The following BLTP1 variants were observed in gnomAD, a reference collection of about 807,000 sequenced individuals.
BLTP1 encodes the protein bridge-like lipid transfer protein family member 1.
the BLTP1 span, chr4:122,289,189 T>G: frequency 1.2e-6 from 2 of 1,600,468 alleles, no homozygotes; most frequent in Non-Finnish European, 1.7e-6. Context: ...ACAAAAAGTT[T>G]CTGGTAAGAT....
At chr4:122,353,373 C>A in the BLTP1 span, 1 of 375,590 alleles carries the variant, frequency 2.7e-6, no homozygotes, top group Non-Finnish European at 3.7e-6. The surrounding 1 kb of genome is among the most constrained non-coding windows in gnomAD (Gnocchi z 4.3). Flanking sequence ...AAAGTTTCTG[C>A]TGCTGTGGCT....
At chr4:122,192,404 A>G in the BLTP1 span, 3 of 1,502,990 alleles carry the variant, frequency 2.0e-6, no homozygotes, top group South Asian at 1.2e-5. Context: ...TATATTTCTA[A>G]TAAGTTTTTT....
the BLTP1 span, among the ~76,000 whole-genome samples, chr4:122,241,929 GCTTCAA>G: frequency 6.6e-6 from 1 of 152,250 alleles, no homozygotes; most frequent in East Asian, 1.9e-4. Context: ...TTTTTAGACA[GCTTCAA>G]AAACAGAACA....
chr4:122,237,710 G>T, the BLTP1 span: 2 of 552,358 alleles, frequency 3.6e-6, no homozygotes, highest in Non-Finnish European at 4.6e-6. Flanking sequence ...TTAGTCACTT[G>T]TGCTTTTTAC....
chr4:122,217,964 T>G, the BLTP1 span, among the ~76,000 whole-genome samples: 5 of 152,206 alleles, frequency 3.3e-5, no homozygotes, highest in African/African-American at 1.2e-4. Context: ...TTCCAGGAAT[T>G]TATCCATCTC....
At chr4:122,161,271 T>G in the BLTP1 span, 1 of 255,294 alleles carries the variant, frequency 3.9e-6, no homozygotes, top group Non-Finnish European at 6.1e-6. Context: ...ATTTTTTTTT[T>G]CATTTTTGTT....
chr4:122,320,727 T>C, the BLTP1 span, among the ~76,000 whole-genome samples: 1 of 152,140 alleles, frequency 6.6e-6, no homozygotes, highest in South Asian at 2.1e-4. Flanking sequence ...AGCAACACAT[T>C]GTCAGATCTT....
the BLTP1 span, chr4:122,204,481 C>T: frequency 1.1e-6 from 1 of 941,856 alleles, no homozygotes; most frequent in Non-Finnish European, 1.3e-6. Context: ...GGCATAGAAA[C>T]ATTGCATGAC....
At chr4:122,257,621 T>C in the BLTP1 span, 9 of 837,148 alleles carry the variant, frequency 1.1e-5, no homozygotes, top group African/African-American at 1.5e-4. Context: ...TAAGTTAATA[T>C]ACCTCTTTAA....
At chr4:122,250,509 A>G in the BLTP1 span, 8 of 1,613,734 alleles carry the variant, frequency 5.0e-6, no homozygotes, top group Non-Finnish European at 6.8e-6. Context: ...TCTGATGATA[A>G]TCTTCCATGT....
the BLTP1 span, among the ~76,000 whole-genome samples, chr4:122,216,069 G>A: frequency 6.2e-3 from 933 of 150,740 alleles, 11 homozygotes; most frequent in African/African-American, 0.022. Flanking sequence ...GTGTGTGTGT[G>A]TATCTATCTT....
At chr4:122,231,790 A>G in the BLTP1 span, 86 of 965,654 alleles carry the variant, frequency 8.9e-5, no homozygotes, top group African/African-American at 1.4e-3. Flanking sequence ...TGTTTAACAA[A>G]ATGTTTATTG....
the BLTP1 span, among the ~76,000 whole-genome samples, chr4:122,322,983 C>G: frequency 6.6e-6 from 1 of 152,104 alleles, no homozygotes; most frequent in Non-Finnish European, 1.5e-5. Context: ...TTTCCCCTGA[C>G]ATTTTCTGTG....
At chr4:122,259,996 C>T in the BLTP1 span, 1 of 717,914 alleles carries the variant, frequency 1.4e-6, no homozygotes, top group Non-Finnish European at 1.7e-6. Context: ...TCATGCATCA[C>T]TTAATGACAG....
the BLTP1 span, among the ~76,000 whole-genome samples, chr4:122,218,853 A>G: frequency 1.3e-5 from 2 of 152,214 alleles, no homozygotes; most frequent in Admixed American, 6.6e-5. Context: ...CCAAGATTGG[A>G]TATTTTTATT....
the BLTP1 span, among the ~76,000 whole-genome samples, chr4:122,248,720 T>C: frequency 2.6e-5 from 4 of 152,082 alleles, no homozygotes; most frequent in African/African-American, 9.6e-5. Flanking sequence ...GAATATTATA[T>C]AGCTATTAAA....
the BLTP1 span, among the ~76,000 whole-genome samples, chr4:122,337,308 C>G: frequency 3.9e-5 from 6 of 152,128 alleles, no homozygotes; most frequent in Non-Finnish European, 8.8e-5. Flanking sequence ...AACATCATAG[C>G]TTAAACTAGC....
the BLTP1 span, chr4:122,257,535 C>T: frequency 6.3e-7 from 1 of 1,586,494 alleles, no homozygotes; most frequent in Non-Finnish European, 8.6e-7. Context: ...TCTTACACCT[C>T]ACAAAACTAG....
At chr4:122,276,155 A>G in the BLTP1 span, 1 of 724,068 alleles carries the variant, frequency 1.4e-6, no homozygotes, top group Non-Finnish European at 2.0e-6. Flanking sequence ...GCCCTTTTAT[A>G]TAATAGATTA....
Sources: gnomAD v4.1 joint callset for allele counts (sites outside exome capture counted in the v4.1 genomes callset) on GRCh38, gnomAD v4.1.1 for gene constraint, Gnocchi (gnomAD v3.1) non-coding constraint, MANE v1.5 for transcripts, NCBI Gene and HGNC (gene_info 2026-07-23, HGNC 2026-07-21) for gene names.